The following COMMD6 variants were observed in gnomAD, a reference collection of about 807,000 sequenced individuals.
COMMD6 encodes COMM domain containing 6.
Under a neutral mutation model 13.4 loss-of-function variants are expected in COMMD6, and 11 were observed. The ratio of observed to expected loss-of-function variants is 0.82; its 90% CI spans 0.52 to 1.36. COMMD6 has a LOEUF of 1.36. Ranked by LOEUF, COMMD6 falls within the 40% of genes most tolerant of loss-of-function variation. COMMD6 has a pLI of 0.00. For missense variants in COMMD6, 124 were observed against 102.4 expected (o/e 1.21, Z -0.91); for synonymous variants, 43 against 36.5 (o/e 1.18, Z -0.64).
upstream of COMMD6, among the ~76,000 whole-genome samples, chr13:75,540,116 G>A (rs757324329): frequency 3.3e-5 from 5 of 151,912 alleles, no homozygotes; most frequent in African/African-American, 7.2e-5. Flanking sequence ...GATTACAGGC[G>A]CATGCCACCA....
upstream of COMMD6, among the ~76,000 whole-genome samples, chr13:75,542,784 C>G (rs181120357): frequency 6.6e-6 from 1 of 152,146 alleles, no homozygotes; most frequent in Non-Finnish European, 1.5e-5. Context: ...GAGTCAGAGA[C>G]AGAGAGGGAG....
intron 2 of COMMD6, chr13:75,537,245 C>T: frequency 1.5e-6 from 2 of 1,351,416 alleles, no homozygotes; most frequent in Non-Finnish European, 2.0e-6. Context: ...AATTCATATT[C>T]CTAGCATTAT....
At chr13:75,527,743 A>G (rs2030311876) in intron 3 of COMMD6, 1 of 1,295,948 alleles carries the variant, frequency 7.7e-7, no homozygotes, top group East Asian at 3.0e-5. Flanking sequence ...AAAGTGAAAT[A>G]AGCCAGACAC....
At chr13:75,539,154 T>C (rs1052400031), upstream of COMMD6, among the ~76,000 whole-genome samples, 2 of 152,118 alleles carry the variant, frequency 1.3e-5, no homozygotes, top group Non-Finnish European at 2.9e-5. Context: ...CACATCTCTC[T>C]GACTCTAGCC....
rs370259259 is a variant in COMMD6 at position 75,529,414 on chromosome 13, G to A, written c.207+700C>T. Among the ~76,000 whole-genome samples the A allele has an allele frequency of 3.6e-3, 547 of 151,390 alleles. 5 individuals are homozygous for A. Among genetic ancestry groups the A allele is most frequent in the African/African-American group, 0.013 (519 of 41,230 alleles). On this transcript the variant is annotated intron_variant, in intron 3 of 3. Transcript: ENST00000682242. Reference sequence around the variant, plus strand: ...TGGGCGCCTGTAGTCCCAGCTACTCGGGAGGCTGAGGCAGGAGAATGGCGT... The same window carrying A: ...TGGGCGCCTGTAGTCCCAGCTACTCAGGAGGCTGAGGCAGGAGAATGGCGT...
chr13:75,537,717 T>C, intron 1 of COMMD6, 42 bp from the exon 2 acceptor site: 1 of 1,614,034 alleles, frequency 6.2e-7, no homozygotes, highest in Non-Finnish European at 8.5e-7. Context: ...AACATCTTTC[T>C]TGCTCCAGAG....
At chr13:75,528,623 A>G (rs1007320753) in intron 3 of COMMD6, among the ~76,000 whole-genome samples, 4 of 152,166 alleles carry the variant, frequency 2.6e-5, no homozygotes, top group East Asian at 1.9e-4. Context: ...GGATGGATCA[A>G]CTGAGGTCAG....
At position 75,525,847 on chromosome 13, in the gene COMMD6, C is replaced by A. The variant is rs1299490076; in HGVS notation, c.*742G>T. ...TGCTTACTTCTAAACAAATGCCATA[C>A]AATGTGGTGGCTTTATAGTATAAAA... On this transcript the variant is annotated 3_prime_UTR_variant, in exon 4 of 4. Coordinates refer to ENST00000682242, the MANE Select transcript of COMMD6 (RefSeq NM_203495.4). The A allele has an allele frequency of 2.0e-5, 3 of 152,166 alleles. No homozygotes were observed. The highest frequency in any genetic ancestry group is 4.4e-5 in the Non-Finnish European group (3 of 68,034). The allele number at this position is 152,166 out of a possible 1,614,324, so 9.4% of individuals were successfully genotyped here. A position where few individuals can be genotyped will look rare whatever the true frequency, so the allele number is the denominator to read the frequency against.
intron 3 of COMMD6, 55 bp downstream of exon 3, chr13:75,530,059 T>C (rs1033442189): frequency 2.1e-6 from 3 of 1,396,164 alleles, no homozygotes; most frequent in Non-Finnish European, 3.0e-6. Context: ...ATACATCTTT[T>C]TATGCAATGA....
At chr13:75,542,457 T>G (rs139745196), upstream of COMMD6, among the ~76,000 whole-genome samples, 3 of 152,218 alleles carry the variant, frequency 2.0e-5, no homozygotes, top group African/African-American at 4.8e-5. Flanking sequence ...GCCCAGCTAA[T>G]TTTGTATTTT....
At position 75,526,528 on chromosome 13, in the gene COMMD6, T is replaced by G; in HGVS notation, c.*61A>C. 1 of 1,124,074 alleles carries G rather than the reference T, an allele frequency of 8.9e-7. No homozygotes were observed. Among genetic ancestry groups the G allele is most frequent in the Non-Finnish European group, 1.3e-6 (1 of 779,258 alleles). The allele number at this position is 1,124,074 out of a possible 1,614,324, so 69.6% of individuals were successfully genotyped here. On this transcript the variant is annotated 3_prime_UTR_variant, in exon 4 of 4. Coordinates refer to ENST00000682242, the MANE Select transcript of COMMD6 (RefSeq NM_203495.4). Reference sequence around the variant, plus strand: ...ATGTTCCATCCTTATTTAGTTTTGTTGCCGAAAGTGAAGTCCATGACTTTA... The same window carrying G: ...ATGTTCCATCCTTATTTAGTTTTGTGGCCGAAAGTGAAGTCCATGACTTTA...
At chr13:75,527,946 G>A in intron 3 of COMMD6, 1 of 1,264,882 alleles carries the variant, frequency 7.9e-7, no homozygotes, top group Admixed American at 3.1e-5. Flanking sequence ...GGTGACTACA[G>A]TAATATTGTT....
At chr13:75,540,336 ACACACACC>A (rs1446634745), upstream of COMMD6, among the ~76,000 whole-genome samples, 12 of 94,556 alleles carry the variant, frequency 1.3e-4, no homozygotes, top group African/African-American at 2.6e-4. Flanking sequence ...ACACACACAC[ACACACACC>A]CACACACACA....
chr13:75,537,838 A>T lies in COMMD6; in HGVS notation c.-33T>A. On this transcript the variant is annotated 5_prime_UTR_variant, in exon 1 of 4. Transcript: ENST00000682242. Reference sequence around the variant, plus strand: ...GTCTGGGACTTGCGGCCCGGACTCGAGAGAACGCCCCCAGACCAGCGCTTC... The same window carrying T: ...GTCTGGGACTTGCGGCCCGGACTCGTGAGAACGCCCCCAGACCAGCGCTTC... 6.4e-7 allele frequency: 1 copy of T among 1,573,426 alleles called. No homozygotes were observed. The highest frequency in any genetic ancestry group is 8.6e-7 in the Non-Finnish European group (1 of 1,157,846).
At chr13:75,530,961 G>A (rs1375181921) in intron 2 of COMMD6, among the ~76,000 whole-genome samples, 1 of 152,192 alleles carries the variant, frequency 6.6e-6, no homozygotes, top group African/African-American at 2.4e-5. Flanking sequence ...CATAAAACAT[G>A]CAGCTGTTAA....
chr13:75,539,969 CTTTTT>C (rs34796430), upstream of COMMD6, among the ~76,000 whole-genome samples: 2 of 113,804 alleles, frequency 1.8e-5, no homozygotes, highest in Non-Finnish European at 1.8e-5. Flanking sequence ...GCAAGGAAAT[CTTTTT>C]TTTTTTTTTT....
upstream of COMMD6, among the ~76,000 whole-genome samples, chr13:75,540,344 C>CCACACACACACACACCCACA (rs2030807124): frequency 6.8e-6 from 1 of 147,276 alleles, no homozygotes; most frequent in Non-Finnish European, 1.5e-5. Flanking sequence ...ACACACACAC[C>CCACACACACACACACCCACA]CACACACACA....
At chr13:75,544,916 ACT>A (rs986386121) in intron 1 of COMMD6, among the ~76,000 whole-genome samples, 2 of 107,054 alleles carry the variant, frequency 1.9e-5, no homozygotes, top group African/African-American at 3.3e-5. Flanking sequence ...ACCAAGCAAG[ACT>A]CTGTCTCCAA....
At chr13:75,545,145 G>C (rs2030887866) in intron 1 of COMMD6, among the ~76,000 whole-genome samples, 1 of 152,204 alleles carries the variant, frequency 6.6e-6, no homozygotes, top group Non-Finnish European at 1.5e-5. Flanking sequence ...CAAGGCAGAT[G>C]ATGGGTACAA....
Sources: allele counts gnomAD v4.1 joint callset (sites outside exome capture counted in the v4.1 genomes callset), GRCh38; gene constraint gnomAD v4.1.1; transcripts MANE v1.5; gene names NCBI Gene and HGNC (gene_info 2026-07-23, HGNC 2026-07-21).